The following PTPRN2 variants were observed in gnomAD, a reference collection of about 807,000 sequenced individuals.
PTPRN2 encodes receptor-type tyrosine-protein phosphatase N2.
A neutral mutation model predicts 118.8 loss-of-function variants in PTPRN2; 74 were observed. The observed-to-expected ratio is 0.62, with a 90% CI of 0.52 to 0.76. PTPRN2 has a LOEUF of 0.76. Ranked by LOEUF, PTPRN2 falls within the 30% of genes least tolerant of loss-of-function variation. The pLI, the probability that PTPRN2 is intolerant of heterozygous loss-of-function variation, is 0.00. For missense variants in PTPRN2, 1,481 were observed against 1,394.4 expected (o/e 1.06, Z -0.99); for synonymous variants, 641 against 608.0 (o/e 1.05, Z -0.80).
chr7:158,560,237 G>A (rs1699111587), intron 1 of PTPRN2, among the ~76,000 whole-genome samples: 1 of 152,252 alleles, frequency 6.6e-6, no homozygotes, highest in Non-Finnish European at 1.5e-5. Context: ...CACTTGGGTG[G>A]CTTCTAACCT....
chr7:158,489,750 C>T lies in PTPRN2; in HGVS notation c.148G>A (p.Glu50Lys), dbSNP rs1821303095. 1 of 1,583,696 alleles carries T rather than the reference C, an allele frequency of 6.3e-7. No homozygotes were observed. The highest frequency in any genetic ancestry group is 8.6e-7 in the Non-Finnish European group (1 of 1,166,164). ...LLEEGLCGASEACVNDGVFGR... is the reference protein window; with the variant it reads ...LLEEGLCGASKACVNDGVFGR... ...CCACACTCACCGTTCACACAGGCCT[C>T]GGACGCTCCGCAGAGGCCCTCCTCG... The change falls in exon 2 of 23, where the codon GAG becomes AAG. Residue 50 changes from glutamate (E) to lysine (K), a missense_variant. Glu to Lys is a moderately conservative substitution (Grantham distance 56, BLOSUM62 1). Around this residue, in one of 3 missense-constraint regions of PTPRN2, gnomAD observed 1,115 missense variants for 994.2 expected, o/e 1.12. Transcript: ENST00000389418.
At chr7:157,768,322 C>T (rs962580856) in intron 12 of PTPRN2, among the ~76,000 whole-genome samples, 8 of 152,300 alleles carry the variant, frequency 5.3e-5, no homozygotes, top group South Asian at 2.1e-4. Flanking sequence ...CATCTGCGTT[C>T]GGCTGTGCGA....
At chr7:158,246,775 C>T (rs534829083) in intron 3 of PTPRN2, among the ~76,000 whole-genome samples, 3 of 152,076 alleles carry the variant, frequency 2.0e-5, no homozygotes, top group African/African-American at 7.2e-5. Context: ...GTGACGTCCC[C>T]CAGGCGTGTG....
chr7:158,372,626 C>CA lies in PTPRN2; in HGVS notation c.164-55695_164-55694insT, dbSNP rs1810157934. 4.7e-5 allele frequency among the ~76,000 whole-genome samples: 7 copies of CA among 149,812 alleles called. 1 individual carries two copies. Among genetic ancestry groups the CA allele is most frequent in the East Asian group, 3.9e-4 (2 of 5,152 alleles). On this transcript the variant is annotated intron_variant, in intron 2 of 22. Coordinates refer to ENST00000389418, the MANE Select transcript of PTPRN2 (RefSeq NM_002847.5). The stretch of plus-strand genomic sequence containing the variant: ...AGCTGGTCCCCACCACGCTGGTCCC[C>CA]GGAGCTGGTCCCCACCACGCTGGTT...
intron 2 of PTPRN2, among the ~76,000 whole-genome samples, chr7:158,486,516 A>G (rs1372222296): frequency 1.3e-5 from 2 of 152,260 alleles, no homozygotes; most frequent in African/African-American, 4.8e-5. Context: ...CTTTTCTACA[A>G]GCTGTTCCAG....
chr7:158,489,775 G>C lies in PTPRN2; in HGVS notation c.123C>G (p.Leu41=). ...RQLPGRLGCL[L]EEGLCGASEA... is the part of the protein sequence containing the mutation. ...CGGACGCTCCGCAGAGGCCCTCCTCGAGCAGGCAGCCTGCGGGGAAACAGA... is the reference window on the plus strand; with the variant it reads ...CGGACGCTCCGCAGAGGCCCTCCTCCAGCAGGCAGCCTGCGGGGAAACAGA... The change falls in exon 2 of 23, where the codon CTC becomes CTG. Residue 41 remains leucine (L), a synonymous_variant. Transcript: ENST00000389418. The C allele has an allele frequency of 1.3e-6, 2 of 1,580,144 alleles. No homozygotes were observed. Among genetic ancestry groups the C allele is most frequent in the Non-Finnish European group, 8.6e-7 (1 of 1,164,012 alleles).
In PTPRN2 at chr7:157,763,024, C is replaced by T. The variant is rs1463489317; in HGVS notation, c.1789-80087G>A. 6.6e-6 allele frequency among the ~76,000 whole-genome samples: 1 copy of T among 152,156 alleles called. No homozygotes were observed. The highest frequency in any genetic ancestry group is 1.5e-5 in the Non-Finnish European group (1 of 68,038). ...ACCCTCCATCAGAGCCCACAGCCGC[C>T]CACTCACAGTCGGTCACAGGGCTAA... On this transcript the variant is annotated intron_variant, in intron 12 of 22. Transcript: ENST00000389418. This position sits in a 1 kb window ranked among gnomAD's most constrained non-coding sequence, Gnocchi z 4.9.
intron 6 of PTPRN2, among the ~76,000 whole-genome samples, chr7:158,152,431 G>C (rs572909359): frequency 6.6e-6 from 1 of 152,188 alleles, no homozygotes; most frequent in East Asian, 1.9e-4. Context: ...GCTGCCTGGC[G>C]TGTTGGGTTG....
intron 21 of PTPRN2, among the ~76,000 whole-genome samples, chr7:157,549,246 T>C (rs569741555): frequency 6.6e-6 from 1 of 152,144 alleles, no homozygotes; most frequent in African/African-American, 2.4e-5. Context: ...GCTGAAAAAT[T>C]GTTATAAGAT....
At chr7:158,044,399 C>G (rs568790613) in intron 11 of PTPRN2, among the ~76,000 whole-genome samples, 1 of 152,172 alleles carries the variant, frequency 6.6e-6, no homozygotes, top group Non-Finnish European at 1.5e-5. Flanking sequence ...ACATCCTGCA[C>G]CTGCATAGGA....
chr7:158,203,369 A>G (rs1021601881), intron 4 of PTPRN2, among the ~76,000 whole-genome samples: 8 of 152,202 alleles, frequency 5.3e-5, no homozygotes, highest in African/African-American at 1.9e-4. Flanking sequence ...CTCATAAAAC[A>G]AAGATAACAT....
At chr7:157,920,283 C>G (rs1427541292) in intron 11 of PTPRN2, among the ~76,000 whole-genome samples, 2 of 152,190 alleles carry the variant, frequency 1.3e-5, no homozygotes, top group Non-Finnish European at 2.9e-5. Flanking sequence ...TTCAAAGAAA[C>G]TTCCTTCCAG....
intron 6 of PTPRN2, among the ~76,000 whole-genome samples, chr7:158,142,676 T>C (rs985710725): frequency 6.6e-6 from 1 of 152,284 alleles, no homozygotes. Context: ...CATTCACTGA[T>C]GGAATGCTAC....
intron 13 of PTPRN2, among the ~76,000 whole-genome samples, chr7:157,663,321 T>G (rs1795987089): frequency 6.6e-6 from 1 of 152,148 alleles, no homozygotes; most frequent in African/African-American, 2.4e-5. Flanking sequence ...GCACTGGCTG[T>G]CGGCCGTCCT....
chr7:158,450,617 A>G (rs2464340), intron 2 of PTPRN2, among the ~76,000 whole-genome samples: 127,503 of 152,212 alleles, frequency 0.84, 53,561 homozygotes, highest in African/African-American at 0.89. Context: ...CCAGATTCAC[A>G]GGGCCTGTCG....
chr7:158,376,593 G>A (rs368923899), intron 2 of PTPRN2, among the ~76,000 whole-genome samples: 1 of 67,592 alleles, frequency 1.5e-5, no homozygotes, highest in African/African-American at 6.5e-5. Context: ...CTCTCCCACA[G>A]CCCTGTCACA....
At chr7:158,347,571 G>A (rs1206788871) in intron 2 of PTPRN2, among the ~76,000 whole-genome samples, 1 of 152,150 alleles carries the variant, frequency 6.6e-6, no homozygotes, top group Non-Finnish European at 1.5e-5. Context: ...GCTCCTGATT[G>A]CCTTGGCTAT....
At chr7:158,148,946 C>T (rs1352273405) in intron 6 of PTPRN2, among the ~76,000 whole-genome samples, 1 of 108,710 alleles carries the variant, frequency 9.2e-6, no homozygotes, top group Non-Finnish European at 1.9e-5. Flanking sequence ...CCCCATCTCA[C>T]GCCACGTGTC....
chr7:158,294,798 G>A (rs544061316), intron 3 of PTPRN2, among the ~76,000 whole-genome samples: 3 of 152,310 alleles, frequency 2.0e-5, no homozygotes, highest in South Asian at 2.1e-4. Flanking sequence ...CCAAGCCCAC[G>A]GCACCCGCTG....
Sources: allele counts gnomAD v4.1 joint callset (sites outside exome capture counted in the v4.1 genomes callset), GRCh38; gene constraint gnomAD v4.1.1; regional missense constraint gnomAD v4.1.1; non-coding constraint Gnocchi (gnomAD v3.1); transcripts MANE v1.5; gene names NCBI Gene and HGNC (gene_info 2026-07-23, HGNC 2026-07-21).